The following SLC12A1 variants were observed in gnomAD, a reference collection of about 807,000 sequenced individuals.
SLC12A1 encodes Na-K-2Cl cotransporter.
A neutral mutation model predicts 130.4 loss-of-function variants in SLC12A1; 89 were observed. The observed-to-expected ratio is 0.68, with a 90% confidence interval of 0.58 to 0.81. The LOEUF (loss-of-function observed/expected upper bound fraction) is 0.81, where lower values mean the gene tolerates loss of function less well. SLC12A1 is among the 40% of genes least tolerant of loss of function. The pLI is 0.00. For synonymous variants in SLC12A1, 499 were observed against 460.0 expected (o/e 1.08, Z -1.09); for missense variants, 1,310 against 1,336.4 (o/e 0.98, Z 0.31).
intron 12 of SLC12A1, 47 bp from the exon 13 acceptor site, chr15:48,247,290 C>T: frequency 6.4e-7 from 1 of 1,570,026 alleles, no homozygotes; most frequent in Non-Finnish European, 8.6e-7. Flanking sequence ...GAGAAAATGA[C>T]TGTGCATAGC....
chr15:48,283,981 A>G (rs2042032885), intron 20 of SLC12A1, among the ~76,000 whole-genome samples: 1 of 152,226 alleles, frequency 6.6e-6, no homozygotes, highest in Admixed American at 6.5e-5. Flanking sequence ...AGCACATTAC[A>G]TAGCAGCTAG....
chr15:48,260,347 A>ACAC (rs2041760054), intron 17 of SLC12A1, among the ~76,000 whole-genome samples: 2 of 62,276 alleles, frequency 3.2e-5, no homozygotes, highest in African/African-American at 1.4e-4. Flanking sequence ...CTCTCTCTCT[A>ACAC]TCACACACAC....
intron 11 of SLC12A1, among the ~76,000 whole-genome samples, chr15:48,245,437 G>A (rs974032095): frequency 3.3e-5 from 5 of 151,954 alleles, no homozygotes; most frequent in African/African-American, 4.8e-5. Flanking sequence ...CCCCTCTCTG[G>A]TCGCCCCCAG....
chr15:48,241,592 T>C lies in SLC12A1; in HGVS notation c.1293T>C (p.Ile431=). The C allele has an allele frequency of 6.2e-7, 1 of 1,612,640 alleles. No homozygotes were observed. The highest frequency in any genetic ancestry group is 8.5e-7 in the Non-Finnish European group (1 of 1,178,690). The change falls in exon 10 of 27, where the codon ATT becomes ATC. Residue 431 remains isoleucine (I), a synonymous_variant. Coordinates refer to ENST00000380993, the MANE Select transcript of SLC12A1 (RefSeq NM_000338.3). ...CTGTTGCCTACTTAGGGGTTGCAATTTGTGTAGGTAAGTGGTACGTCTCCA... is the reference window on the plus strand; with the variant it reads ...CTGTTGCCTACTTAGGGGTTGCAATCTGTGTAGGTAAGTGGTACGTCTCCA... ...ITTVAYLGVA[I]CVGACVVRDA... is the part of the protein sequence containing the mutation.
At chr15:48,257,148 T>C (rs1263312157) in intron 16 of SLC12A1, among the ~76,000 whole-genome samples, 2 of 152,216 alleles carry the variant, frequency 1.3e-5, no homozygotes, top group African/African-American at 4.8e-5. Flanking sequence ...TGATCTCCTT[T>C]GACTCCATGT....
intron 26 of SLC12A1, among the ~76,000 whole-genome samples, chr15:48,302,244 A>C (rs2042240385): frequency 6.6e-6 from 1 of 152,258 alleles, no homozygotes; most frequent in African/African-American, 2.4e-5. Context: ...TCTGGTTTAT[A>C]GATAGTATTA....
intron 4 of SLC12A1, chr15:48,222,558 A>G (rs1797430774): frequency 6.6e-6 from 1 of 152,136 alleles, no homozygotes; most frequent in Non-Finnish European, 1.5e-5. Flanking sequence ...TAAGTGTTCA[A>G]TGGATTTTCC....
At chr15:48,285,427 C>T (rs377598696) in intron 21 of SLC12A1, among the ~76,000 whole-genome samples, 178 bp downstream of exon 21, 1 of 152,300 alleles carries the variant, frequency 6.6e-6, no homozygotes, top group East Asian at 1.9e-4. Context: ...CATTTATCAA[C>T]CTCATTAAGT....
chr15:48,301,505 G>GGGGGA, intron 26 of SLC12A1, 123 bp downstream of exon 26: 2 of 553,314 alleles, frequency 3.6e-6, no homozygotes, highest in Non-Finnish European at 6.0e-6. Flanking sequence ...TTTTTTTTGG[G>GGGGGA]GGGGGGAACA....
intron 10 of SLC12A1, among the ~76,000 whole-genome samples, chr15:48,241,839 C>T (rs2041520177): frequency 6.6e-6 from 1 of 152,152 alleles, no homozygotes; most frequent in Non-Finnish European, 1.5e-5. Flanking sequence ...GTCATTCTAC[C>T]TGAACACAAA....
intron 9 of SLC12A1, chr15:48,235,284 A>C (rs2041427529): frequency 7.2e-6 from 3 of 415,078 alleles, no homozygotes; most frequent in Non-Finnish European, 1.3e-5. Context: ...CAGTGAAAAA[A>C]ATACCAGAAC....
At chr15:48,294,162 A>G (rs1011483867) in intron 24 of SLC12A1, among the ~76,000 whole-genome samples, 2 of 152,030 alleles carry the variant, frequency 1.3e-5, no homozygotes. Context: ...CAGCCTGACC[A>G]ACACGGTGAA....
chr15:48,251,179 C>T (rs1368484964), intron 14 of SLC12A1, among the ~76,000 whole-genome samples: 4 of 152,066 alleles, frequency 2.6e-5, no homozygotes, highest in Non-Finnish European at 5.9e-5. Flanking sequence ...ACTCCACCTT[C>T]TCCAAGGGAG....
chr15:48,258,162 C>T (rs1487398547), intron 16 of SLC12A1, among the ~76,000 whole-genome samples: 2 of 72,814 alleles, frequency 2.7e-5, no homozygotes, highest in East Asian at 5.7e-4. Context: ...GAGATCGAGA[C>T]CATCCCGGCT....
At chr15:48,288,361 C>A in intron 22 of SLC12A1, 44 bp from the exon 23 acceptor site, 1 of 1,145,424 alleles carries the variant, frequency 8.7e-7, no homozygotes, top group Non-Finnish European at 1.3e-6. Context: ...CATTTCCTTC[C>A]ATTTAGATAT....
In SLC12A1 at chr15:48,272,955, A is replaced by G. The variant is rs566251256; in HGVS notation, c.2403-1616A>G. Among the ~76,000 whole-genome samples the G allele has an allele frequency of 3.9e-5, 6 of 152,094 alleles. No individual in the cohort carries two copies. In the East Asian group the frequency reaches 1.2e-3, roughly 30 times the overall value. On this transcript the variant is annotated intron_variant, in intron 19 of 26. Transcript: ENST00000380993. ...AAACCCAACCTCTACTAAAAATACA[A>G]AAATTAGCCTGGCGTGGTGGTGCAC...
intron 24 of SLC12A1, among the ~76,000 whole-genome samples, chr15:48,295,699 G>GA (rs111585152): frequency 7.9e-5 from 12 of 151,892 alleles, no homozygotes; most frequent in South Asian, 2.1e-4. Context: ...AAAATGCAGG[G>GA]AAAAAAAATC....
At chr15:48,216,057 G>A (rs1371277460) in intron 2 of SLC12A1, among the ~76,000 whole-genome samples, 4 of 152,060 alleles carry the variant, frequency 2.6e-5, no homozygotes, top group Non-Finnish European at 5.9e-5. Context: ...TACATTTGGG[G>A]TTTTTTTCCC....
intron 19 of SLC12A1, 59 bp from the exon 20 acceptor site, chr15:48,274,512 C>A: frequency 9.0e-7 from 1 of 1,113,620 alleles, no homozygotes. Flanking sequence ...AATACTAGTC[C>A]AAAGCTTGAG....
Sources: gnomAD v4.1 joint callset for allele counts (sites outside exome capture counted in the v4.1 genomes callset) on GRCh38, gnomAD v4.1.1 for gene constraint, MANE v1.5 for transcripts, NCBI Gene and HGNC (gene_info 2026-07-23, HGNC 2026-07-21) for gene names.